Variants in FAM131B observed in about 807,000 individuals in gnomAD.
FAM131B encodes the protein family with sequence similarity 131 member B.
Under a neutral mutation model 42.0 loss-of-function variants are expected in FAM131B, and 19 were observed. That is an observed-to-expected ratio of 0.45 (90% confidence interval 0.32 to 0.66). FAM131B has a LOEUF of 0.66. Among genes scored for constraint, FAM131B ranks in the 30% least tolerant of loss-of-function variants. The pLI, the probability that FAM131B is intolerant of heterozygous loss-of-function variation, is 0.05. For missense variants in FAM131B, 370 were observed against 468.4 expected (o/e 0.79, Z 1.94); for synonymous variants, 183 against 177.6 (o/e 1.03, Z -0.24).
intron 1 of FAM131B, chr7:143,361,971 T>C (rs1804020678): frequency 5.1e-6 from 4 of 782,910 alleles, no homozygotes; most frequent in Non-Finnish European, 6.2e-6. Context: ...CCTCCGGGCG[T>C]GGAACCCGGG....
the FAM131B span, among the ~76,000 whole-genome samples, chr7:143,377,982 C>G: frequency 1.3e-5 from 2 of 152,164 alleles, no homozygotes; most frequent in African/African-American, 4.8e-5. Context: ...TCCCAAAGTG[C>G]TGGGATTACA....
rs1179474903 is a variant in FAM131B, at chr7:143,355,663, G to T, written c.*887C>A. On this transcript the variant is annotated 3_prime_UTR_variant, in exon 7 of 7. Coordinates refer to ENST00000443739, the MANE Select transcript of FAM131B (RefSeq NM_001031690.3). The surrounding 1 kb of genome is among the most constrained non-coding windows in gnomAD (Gnocchi z 4.1). ...TTGGCGACACCTGCATCCTGCGTTG[G>T]TGTATCCAAGATGGGTGTCCCCACA... 1 of 152,720 alleles carries T rather than the reference G, an allele frequency of 6.5e-6. No homozygotes were observed. The highest frequency in any genetic ancestry group is 1.5e-5 in the Non-Finnish European group (1 of 68,078). 9.5% of individuals were successfully genotyped at this position (152,720 alleles called of 1,614,324 possible). A position where few individuals can be genotyped will look rare whatever the true frequency, so the allele number is the denominator to read the frequency against.
In FAM131B at chr7:143,359,548, AC is replaced by A. The variant is rs773868414; in HGVS notation, c.175-130del. ...GGCAGATGATAAGAAAAGCTACTAT[AC>A]CCAAGAGTCCCAAGGAGGGATATAT... On this transcript the variant is annotated intron_variant, in intron 3 of 6. Transcript: ENST00000443739. This position sits in a 1 kb window ranked among gnomAD's most constrained non-coding sequence, Gnocchi z 5.4. 4.2e-6 allele frequency: 4 copies of A among 942,964 alleles called. No individual in the cohort carries two copies. The South Asian group carries it at 5.6e-5, about 13-fold the overall frequency. The allele number at this position is 942,964 out of a possible 1,614,324, so 58.4% of individuals were successfully genotyped here.
chr7:143,360,199 G>A (rs141069158), intron 1 of FAM131B, 50 bp from the exon 2 acceptor site: 19 of 1,559,190 alleles, frequency 1.2e-5, no homozygotes, highest in East Asian at 4.8e-5. Context: ...CTGTGCAGCC[G>A]AGGCGACACC....
chr7:143,363,633 C>A (rs972488373), upstream of FAM131B, among the ~76,000 whole-genome samples: 8 of 152,138 alleles, frequency 5.3e-5, no homozygotes, highest in African/African-American at 1.9e-4. Context: ...ACTGTGGTTA[C>A]AGCAGGTAAG....
chr7:143,357,727 G>A (rs903673384), intron 5 of FAM131B, among the ~76,000 whole-genome samples: 1 of 152,038 alleles, frequency 6.6e-6, no homozygotes, highest in Non-Finnish European at 1.5e-5. Flanking sequence ...AGATCCAGCT[G>A]GTATTTTATA....
chr7:143,380,923 A>G, the FAM131B span: 1 of 441,756 alleles, frequency 2.3e-6, no homozygotes, highest in Non-Finnish European at 3.0e-6. This position sits in a 1 kb window ranked among gnomAD's most constrained non-coding sequence, Gnocchi z 5.0. Flanking sequence ...GGAGGCGCAC[A>G]GGGGCTGCGT....
At chr7:143,372,174 T>C in the FAM131B span, among the ~76,000 whole-genome samples, 1 of 151,922 alleles carries the variant, frequency 6.6e-6, no homozygotes, top group Non-Finnish European at 1.5e-5. Context: ...AGCCATGGAG[T>C]TTACAATGAG....
the FAM131B span, among the ~76,000 whole-genome samples, chr7:143,376,795 G>A: frequency 6.6e-6 from 1 of 152,178 alleles, no homozygotes. Flanking sequence ...ACAGTACTCA[G>A]CGCAAGGGAG....
At chr7:143,377,027 T>G in the FAM131B span, among the ~76,000 whole-genome samples, 1 of 152,226 alleles carries the variant, frequency 6.6e-6, no homozygotes, top group Non-Finnish European at 1.5e-5. Flanking sequence ...TGGAGTGCAG[T>G]GGCACGATCT....
In FAM131B at chr7:143,359,889, C is replaced by A; in HGVS notation, c.139-122G>T. On this transcript the variant is annotated intron_variant, in intron 2 of 6. Transcript: ENST00000443739. The surrounding 1 kb of genome is among the most constrained non-coding windows in gnomAD (Gnocchi z 5.4). ...GGGGAGGGCTTTCCTGAGGTTGATG[C>A]CGCTAACTGGGTTCTCCATGTGGAC... The A allele has an allele frequency of 2.8e-6, 3 of 1,062,256 alleles. No homozygotes were observed. Among genetic ancestry groups the A allele is most frequent in the African/African-American group, 1.6e-5 (1 of 63,670 alleles). 65.8% of individuals were successfully genotyped at this position (1,062,256 alleles called of 1,614,324 possible).
chr7:143,371,928 A>T, the FAM131B span, among the ~76,000 whole-genome samples: 1 of 152,168 alleles, frequency 6.6e-6, no homozygotes, highest in Admixed American at 6.5e-5. Flanking sequence ...AGCATGTGGG[A>T]TTAGTTTGAT....
chr7:143,373,298 G>A, the FAM131B span, among the ~76,000 whole-genome samples: 5 of 152,004 alleles, frequency 3.3e-5, no homozygotes, highest in African/African-American at 4.8e-5. Flanking sequence ...CAGGAGAATC[G>A]CTTGAACTGG....
At chr7:143,371,755 G>A in the FAM131B span, among the ~76,000 whole-genome samples, 16 of 152,318 alleles carry the variant, frequency 1.1e-4, no homozygotes, top group South Asian at 3.1e-3. Context: ...GGCTATGATG[G>A]AGATAATGGG....
chr7:143,359,540 G>C lies in FAM131B; in HGVS notation c.175-121C>G, dbSNP rs1054725699. 8.3e-6 allele frequency: 8 copies of C among 964,630 alleles called. No homozygotes were observed. Among genetic ancestry groups the C allele is most frequent in the Non-Finnish European group, 8.2e-6 (5 of 609,704 alleles). 59.8% of individuals were successfully genotyped at this position (964,630 alleles called of 1,614,324 possible). ...CGAGCTAGGGCAGATGATAAGAAAA[G>C]CTACTATACCCAAGAGTCCCAAGGA... is the stretch of plus-strand genomic sequence containing the variant. On this transcript the variant is annotated intron_variant, in intron 3 of 6. Coordinates refer to ENST00000443739, the MANE Select transcript of FAM131B (RefSeq NM_001031690.3). The surrounding 1 kb of genome is among the most constrained non-coding windows in gnomAD (Gnocchi z 5.4).
chr7:143,378,622 G>A, the FAM131B span, among the ~76,000 whole-genome samples: 1 of 145,624 alleles, frequency 6.9e-6, no homozygotes, highest in Non-Finnish European at 1.5e-5. Flanking sequence ...TGCCCAGGCT[G>A]GAGTGCAGTG....
At position 143,355,651 on chromosome 7, in the gene FAM131B, C is replaced by T. The variant is rs537977282; in HGVS notation, c.*899G>A. 4 of 152,790 alleles carry T rather than the reference C, an allele frequency of 2.6e-5. No homozygotes were observed. In the South Asian group the frequency reaches 8.3e-4, roughly 32 times the overall value. 9.5% of individuals were successfully genotyped at this position (152,790 alleles called of 1,614,324 possible). ...CTCCCCCTGCTGTTGGCGACACCTG[C>T]ATCCTGCGTTGGTGTATCCAAGATG... On this transcript the variant is annotated 3_prime_UTR_variant, in exon 7 of 7. Coordinates refer to ENST00000443739, the MANE Select transcript of FAM131B (RefSeq NM_001031690.3). The surrounding 1 kb of genome is among the most constrained non-coding windows in gnomAD (Gnocchi z 4.1).
In FAM131B at chr7:143,362,610, G is replaced by A; in HGVS notation, c.-7C>T. 8.2e-7 allele frequency: 1 copy of A among 1,212,506 alleles called. No individual in the cohort carries two copies. Among genetic ancestry groups the A allele is most frequent in the Non-Finnish European group, 1.0e-6 (1 of 974,948 alleles). 75.1% of individuals were successfully genotyped at this position (1,212,506 alleles called of 1,614,324 possible). On this transcript the variant is annotated 5_prime_UTR_variant, in exon 1 of 7. Coordinates refer to ENST00000443739, the MANE Select transcript of FAM131B (RefSeq NM_001031690.3). This position sits in a 1 kb window ranked among gnomAD's most constrained non-coding sequence, Gnocchi z 7.7. ...GGGAGCCGATGCAGCCCATGGCTCC[G>A]GGGGCCGCAGAGCCGGGCCCTCACC...
chr7:143,365,397 A>C (rs2116499784), upstream of FAM131B, among the ~76,000 whole-genome samples: 1 of 152,348 alleles, frequency 6.6e-6, no homozygotes, highest in African/African-American at 2.4e-5. Flanking sequence ...AGATAGAGAA[A>C]AAAATAAAAC....
Sources: gnomAD v4.1 joint callset for allele counts (sites outside exome capture counted in the v4.1 genomes callset) on GRCh38, gnomAD v4.1.1 for gene constraint, Gnocchi (gnomAD v3.1) non-coding constraint, MANE v1.5 for transcripts, NCBI Gene and HGNC (gene_info 2026-07-23, HGNC 2026-07-21) for gene names.